The following ARL9 variants were observed in gnomAD, a reference collection of about 807,000 sequenced individuals.
The protein encoded by ARL9 is ADP-ribosylation factor-like protein 9.
ARL9 carries 14 observed loss-of-function variants against 27.0 expected under a neutral mutation model. The observed-to-expected ratio is 0.52, with a 90% CI of 0.34 to 0.81. ARL9 has a LOEUF of 0.81. Among genes scored for constraint, ARL9 ranks in the 30% least tolerant of loss-of-function variants. The pLI, the probability that ARL9 is intolerant of heterozygous loss-of-function variation, is 0.01. For missense variants in ARL9, 294 were observed against 290.0 expected (o/e 1.01, Z -0.10); for synonymous variants, 106 against 108.7 (o/e 0.98, Z 0.15).
At chr4:56,515,436 A>C (rs1352191865) in intron 2 of ARL9, among the ~76,000 whole-genome samples, 1 of 152,188 alleles carries the variant, frequency 6.6e-6, no homozygotes, top group East Asian at 1.9e-4. Flanking sequence ...CCAAAACCTC[A>C]GAAAACTTTA....
In ARL9 at chr4:56,518,737, C is replaced by G; in HGVS notation, c.502C>G (p.Leu168Val). 1 of 1,613,940 alleles carries G rather than the reference C, an allele frequency of 6.2e-7. No individual in the cohort carries two copies. The highest frequency in any genetic ancestry group is 8.5e-7 in the Non-Finnish European group (1 of 1,179,876). ...AATGTACCTATCCAAGGGATTGCTGCTGATCTTTGTGGTGGATTCAGCAGA... is the reference window on the plus strand; with the variant it reads ...AATGTACCTATCCAAGGGATTGCTGGTGATCTTTGTGGTGGATTCAGCAGA... The part of the protein sequence containing the change: ...WEMYLSKGLL[L>V]IFVVDSADHS... The change falls in exon 3 of 4, where the codon CTG (leucine) becomes GTG (valine). Residue 168 changes from leucine to valine, a missense_variant. Physicochemically the swap from Leu to Val is conservative, Grantham distance 32. Coordinates refer to ENST00000640821, the MANE Select transcript of ARL9 (RefSeq NM_001363794.2).
chr4:56,510,821 G>A (rs1721617540), intron 1 of ARL9, among the ~76,000 whole-genome samples: 1 of 149,898 alleles, frequency 6.7e-6, no homozygotes. Flanking sequence ...TCCCCAGGCT[G>A]GAGTTCAGTG....
intron 1 of ARL9, chr4:56,506,599 G>A (rs929031293): frequency 7.9e-5 from 78 of 985,130 alleles, no homozygotes; most frequent in Non-Finnish European, 8.8e-5. Context: ...GGTGTTTGGG[G>A]ACGCTGCAGT....
intron 2 of ARL9, among the ~76,000 whole-genome samples, chr4:56,513,975 A>C (rs984433730): frequency 6.6e-5 from 10 of 152,112 alleles, no homozygotes; most frequent in Non-Finnish European, 1.3e-4. Context: ...TTTGAGAACA[A>C]CCTGGGCAAT....
rs572137107 is a variant in ARL9 at position 56,509,916 on chromosome 4, C to T, written c.280-1269C>T. 3.3e-5 allele frequency among the ~76,000 whole-genome samples: 5 copies of T among 151,910 alleles called. No homozygotes were observed. The South Asian group carries it at 1.0e-3, about 32-fold the overall frequency. Reference sequence around the variant, plus strand: ...TAGACACAGAGTTCCACCATATTGGCCAGGCTGGTTTCGAACTCCTGACCT... The same window carrying T: ...TAGACACAGAGTTCCACCATATTGGTCAGGCTGGTTTCGAACTCCTGACCT... On this transcript the variant is annotated intron_variant, in intron 1 of 3. Coordinates refer to ENST00000640821, the MANE Select transcript of ARL9 (RefSeq NM_001363794.2).
chr4:56,513,713 T>C (rs1283735134), intron 2 of ARL9, among the ~76,000 whole-genome samples: 1 of 152,136 alleles, frequency 6.6e-6, no homozygotes, highest in Non-Finnish European at 1.5e-5. Flanking sequence ...TACCAGTATT[T>C]AATCTGCAGT....
chr4:56,516,312 C>T lies in ARL9; in HGVS notation c.443-2366C>T, dbSNP rs150839356. Among the ~76,000 whole-genome samples the T allele has an allele frequency of 7.2e-3, 1,091 of 151,924 alleles. 18 individuals are homozygous for T. Among genetic ancestry groups the T allele is most frequent in the African/African-American group, 0.025 (1,043 of 41,456 alleles). Reference sequence around the variant, plus strand: ...TCAGGATAGAGAAAGATTTTTTAAACAGGATACAAAAAATAATAACCATAA... The same window carrying T: ...TCAGGATAGAGAAAGATTTTTTAAATAGGATACAAAAAATAATAACCATAA... On this transcript the variant is annotated intron_variant, in intron 2 of 3. Coordinates refer to ENST00000640821, the MANE Select transcript of ARL9 (RefSeq NM_001363794.2).
chr4:56,508,100 G>T (rs1333705985), intron 1 of ARL9, among the ~76,000 whole-genome samples: 1 of 152,142 alleles, frequency 6.6e-6, no homozygotes. Context: ...GTATGTTGGG[G>T]TAGGCTGAAT....
chr4:56,509,391 G>A (rs1048692188), intron 1 of ARL9, among the ~76,000 whole-genome samples: 1 of 151,206 alleles, frequency 6.6e-6, no homozygotes, highest in Non-Finnish European at 1.5e-5. Context: ...GTAGAGACAG[G>A]GTTATGCCGT....
At chr4:56,506,830 GTGTT>G (rs1363560671) in intron 1 of ARL9, among the ~76,000 whole-genome samples, 4 of 147,758 alleles carry the variant, frequency 2.7e-5, no homozygotes, top group Admixed American at 1.3e-4. Context: ...GTGTGTGTGT[GTGTT>G]CTTTTTTGAG....
chr4:56,513,039 C>T (rs1185315395), intron 2 of ARL9, among the ~76,000 whole-genome samples: 7 of 152,190 alleles, frequency 4.6e-5, no homozygotes, highest in Non-Finnish European at 8.8e-5. Context: ...CATTAAGTGC[C>T]AACTGTGTTC....
rs546221239 is a variant in ARL9, at chr4:56,513,228, G to A, written c.442+1881G>A. ...GCTTTTTTTTAGGATGCAGCATCCAGTGGTATTCAGTGATATAAATCTGTA... is the reference window on the plus strand; with the variant it reads ...GCTTTTTTTTAGGATGCAGCATCCAATGGTATTCAGTGATATAAATCTGTA... On this transcript the variant is annotated intron_variant, in intron 2 of 3. Coordinates refer to ENST00000640821, the MANE Select transcript of ARL9 (RefSeq NM_001363794.2). 2.6e-4 allele frequency among the ~76,000 whole-genome samples: 40 copies of A among 152,214 alleles called. 1 individual carries two copies. Among genetic ancestry groups the A allele is most frequent in the Admixed American group, 1.3e-4 (2 of 15,280 alleles).
intron 2 of ARL9, among the ~76,000 whole-genome samples, chr4:56,516,281 A>G (rs1273956171): frequency 2.6e-5 from 4 of 152,314 alleles, no homozygotes; most frequent in Admixed American, 2.0e-4. Context: ...GACTATCCTT[A>G]TGACTTCAGG....
intron 3 of ARL9, among the ~76,000 whole-genome samples, chr4:56,520,852 G>A (rs1721897109): frequency 6.6e-6 from 1 of 152,100 alleles, no homozygotes; most frequent in African/African-American, 2.4e-5. Flanking sequence ...ACCTAAAATA[G>A]GAGCCTATGT....
chr4:56,506,617 A>G lies in ARL9; in HGVS notation c.279+476A>G, dbSNP rs1439853523. The G allele has an allele frequency of 4.1e-6, 4 of 985,264 alleles. No homozygotes were observed. The Admixed American group carries it at 1.8e-4, about 45-fold the overall frequency. The allele number at this position is 985,264 out of a possible 1,614,324, so 61.0% of individuals were successfully genotyped here. On this transcript the variant is annotated intron_variant, in intron 1 of 3. Transcript: ENST00000640821. ...GTTTGGGGACGCTGCAGTTGTTTTC[A>G]GACCACCAGTACCATGAATGGATGG...
intron 1 of ARL9, among the ~76,000 whole-genome samples, chr4:56,509,201 C>CTTTTCTTTTTTTTTTTTTTT (rs1553949438): frequency 1.5e-5 from 2 of 133,348 alleles, no homozygotes; most frequent in African/African-American, 2.9e-5. Flanking sequence ...TTTTCTTTTT[C>CTTTTCTTTTTTTTTTTTTTT]TTTTTTTTGT....
In ARL9 at chr4:56,518,641, G is replaced by T. The variant is rs550119624; in HGVS notation, c.443-37G>T. ...CCTGGGTGGGTGCTTCTGTGATTTTGTGTGTGTGTGTCTTCTTCCTCTACT... is the reference window on the plus strand; with the variant it reads ...CCTGGGTGGGTGCTTCTGTGATTTTTTGTGTGTGTGTCTTCTTCCTCTACT... On this transcript the variant is annotated intron_variant, in intron 2 of 3. Transcript: ENST00000640821. 17 of 1,516,428 alleles carry T rather than the reference G, an allele frequency of 1.1e-5. No individual in the cohort carries two copies. In the Admixed American group the frequency reaches 1.6e-4, roughly 15 times the overall value. 93.9% of individuals were successfully genotyped at this position (1,516,428 alleles called of 1,614,324 possible).
intron 1 of ARL9, among the ~76,000 whole-genome samples, chr4:56,507,060 C>G (rs958959075): frequency 6.6e-6 from 1 of 151,348 alleles, no homozygotes; most frequent in Non-Finnish European, 1.5e-5. Context: ...CCTCCCAAAG[C>G]GCTGGGATTA....
intron 2 of ARL9, among the ~76,000 whole-genome samples, chr4:56,512,024 G>A (rs1721650604): frequency 6.6e-6 from 1 of 152,042 alleles, no homozygotes; most frequent in Non-Finnish European, 1.5e-5. Context: ...AGTTGCTCTA[G>A]CCAGAAACCT....
Sources: gnomAD v4.1 joint callset for allele counts (sites outside exome capture counted in the v4.1 genomes callset) on GRCh38, gnomAD v4.1.1 for gene constraint, MANE v1.5 for transcripts, NCBI Gene and HGNC (gene_info 2026-07-23, HGNC 2026-07-21) for gene names.